Variants in SCN10A observed in about 807,000 individuals in gnomAD.
The protein encoded by SCN10A is sodium channel protein type 10 subunit alpha.
In SCN10A, 162 loss-of-function variants were observed where a neutral mutation model predicts 170.7. The ratio of observed to expected loss-of-function variants is 0.95; its 90% confidence interval spans 0.84 to 1.08. The LOEUF is 1.08. Ranked by LOEUF, SCN10A falls within the 50% of genes least tolerant of loss-of-function variation. The probability of loss-of-function intolerance (pLI) is 0.00; values close to 1 mark genes in which losing one functional copy is unlikely to be tolerated. For synonymous variants in SCN10A, 985 were observed against 904.6 expected (o/e 1.09, Z -1.59); for missense variants, 2,527 against 2,436.9 (o/e 1.04, Z -0.78).
At chr3:38,699,533 C>T (rs553533907) in intron 27 of SCN10A, among the ~76,000 whole-genome samples, 5 of 152,290 alleles carry the variant, frequency 3.3e-5, no homozygotes, top group African/African-American at 1.2e-4. Context: ...GCCCTCTCCC[C>T]TACTTGCTCT....
At chr3:38,758,024 A>T (rs1159326048) in intron 8 of SCN10A, among the ~76,000 whole-genome samples, 3 of 152,146 alleles carry the variant, frequency 2.0e-5, no homozygotes, top group Admixed American at 6.5e-5. Context: ...ATTTTTTTAA[A>T]TTTTTTTCTT....
intron 1 of SCN10A, among the ~76,000 whole-genome samples, chr3:38,805,361 A>G (rs1486407753): frequency 1.3e-5 from 2 of 152,154 alleles, no homozygotes; most frequent in African/African-American, 4.8e-5. Flanking sequence ...TCTCTAATAC[A>G]TGGAACAAAT....
At chr3:38,705,986 A>G (rs1410640736) in intron 26 of SCN10A, among the ~76,000 whole-genome samples, 1 of 152,120 alleles carries the variant, frequency 6.6e-6, no homozygotes, top group Non-Finnish European at 1.5e-5. Context: ...CAATGAGCCT[A>G]AGGACTTTTG....
chr3:38,715,335 C>A (rs1004190878), intron 21 of SCN10A, among the ~76,000 whole-genome samples: 1 of 152,166 alleles, frequency 6.6e-6, no homozygotes, highest in Non-Finnish European at 1.5e-5. Flanking sequence ...ACTAGCCTCC[C>A]AAGTAGTCTC....
At chr3:38,722,231 G>A (rs2063397472) in intron 20 of SCN10A, 27 bp downstream of exon 20, 10 of 1,603,298 alleles carry the variant, frequency 6.2e-6, no homozygotes, top group Non-Finnish European at 8.5e-6. Flanking sequence ...TGGAGGATTT[G>A]GGGGCAGGGA....
intron 4 of SCN10A, among the ~76,000 whole-genome samples, chr3:38,785,696 AC>A (rs764627821): frequency 2.0e-5 from 3 of 152,206 alleles, no homozygotes; most frequent in Non-Finnish European, 4.4e-5. Flanking sequence ...TGAATAGGTA[AC>A]CTACAGAATG....
At chr3:38,722,152 T>C in intron 20 of SCN10A, 106 bp downstream of exon 20, 1 of 1,143,990 alleles carries the variant, frequency 8.7e-7, no homozygotes, top group Non-Finnish European at 1.2e-6. Flanking sequence ...GTTGGGGACT[T>C]TCAGCTCAGT....
Position 38,793,785 on chromosome 3 carries a change from C to G in SCN10A, c.226G>C (p.Gly76Arg), listed in dbSNP as rs749652481. 1 of 1,613,818 alleles carries G rather than the reference C, an allele frequency of 6.2e-7. No individual in the cohort carries two copies. The highest frequency in any genetic ancestry group is 8.5e-7 in the Non-Finnish European group (1 of 1,179,894). The stretch of plus-strand genomic sequence containing the variant: ...GGATCTAGATCCTCCAGGGGCTCCC[C>G]GATCAGTTCTGCTGGGAGCTCACCA... ...FYGELPAELI[G>R]EPLEDLDPFY... The change falls in exon 2 of 28, where the codon GGG becomes CGG. Residue 76 changes from glycine to arginine, a missense_variant. Transcript: ENST00000449082.
intron 20 of SCN10A, among the ~76,000 whole-genome samples, chr3:38,720,964 C>G (rs926559627): frequency 2.0e-5 from 3 of 152,226 alleles, no homozygotes; most frequent in Non-Finnish European, 4.4e-5. Context: ...AATCACTGCC[C>G]TGTGCCAGGG....
chr3:38,728,466 C>T, intron 16 of SCN10A, 76 bp downstream of exon 16: 1 of 1,451,392 alleles, frequency 6.9e-7, no homozygotes, highest in East Asian at 2.3e-5. Flanking sequence ...AAATGCAGAT[C>T]AAAGCTTTTT....
At position 38,720,369 on chromosome 3, in the gene SCN10A, T is replaced by C. The variant is rs1289464338; in HGVS notation, c.3508-1543A>G. 3.3e-5 allele frequency among the ~76,000 whole-genome samples: 5 copies of C among 152,240 alleles called. 1 individual carries two copies. The highest frequency in any genetic ancestry group is 2.6e-4 in the Admixed American group (4 of 15,290). Reference sequence around the variant, plus strand: ...CATAAATGTGGTTTTATTTTTGTAATATGTGTATATTTTATGCATAAGCAA... The same window carrying C: ...CATAAATGTGGTTTTATTTTTGTAACATGTGTATATTTTATGCATAAGCAA... On this transcript the variant is annotated intron_variant, in intron 20 of 27. Transcript: ENST00000449082.
At chr3:38,710,665 G>A (rs1452440833) in intron 24 of SCN10A, among the ~76,000 whole-genome samples, 179 bp downstream of exon 24, 4 of 150,908 alleles carry the variant, frequency 2.7e-5, no homozygotes, top group South Asian at 2.1e-4. Flanking sequence ...GGAAAGCCTC[G>A]GTGGCTGAAA....
chr3:38,698,780 C>G (rs1159172402), intron 27 of SCN10A, among the ~76,000 whole-genome samples: 1 of 152,170 alleles, frequency 6.6e-6, no homozygotes, highest in Non-Finnish European at 1.5e-5. Flanking sequence ...CCGTCTTACC[C>G]TTCCTACCAT....
At chr3:38,751,042 A>G (rs1054008187) in intron 12 of SCN10A, among the ~76,000 whole-genome samples, 1 of 152,182 alleles carries the variant, frequency 6.6e-6, no homozygotes, top group Admixed American at 6.5e-5. Flanking sequence ...AAAATGTGTT[A>G]TCCTTACCCT....
At position 38,763,253 on chromosome 3, in the gene SCN10A, T is replaced by C. The variant is rs557116983; in HGVS notation, c.691+252A>G. Among the ~76,000 whole-genome samples, 6 of 152,224 alleles carry C rather than the reference T, an allele frequency of 3.9e-5. No individual in the cohort carries two copies. The East Asian group carries it at 1.2e-3, about 29-fold the overall frequency. ...GAAGACATGCCCCTCCTGTTACGTA[T>C]TGATTGTGAGGCCATGTGGTATGTG... On this transcript the variant is annotated intron_variant, in intron 6 of 27. Transcript: ENST00000449082.
At chr3:38,701,705 CT>C (rs772104715) in intron 27 of SCN10A, 133 bp downstream of exon 27, 1 of 802,612 alleles carries the variant, frequency 1.2e-6, no homozygotes, top group Non-Finnish European at 1.9e-6. Flanking sequence ...TCTTGGAAAG[CT>C]GCAAATACAG....
In SCN10A at chr3:38,793,940, A is replaced by G. The variant is rs1160387185; in HGVS notation, c.71T>C (p.Ile24Thr). 4.3e-6 allele frequency: 7 copies of G among 1,613,842 alleles called. No individual in the cohort carries two copies. The Admixed American group carries it at 5.0e-5, about 12-fold the overall frequency. Residue 24 changes from isoleucine to threonine, a missense_variant, in exon 2 of 28, where the codon ATA (isoleucine) becomes ACA (threonine). Physicochemically the swap from Ile to Thr is moderately conservative, Grantham distance 89. Coordinates refer to ENST00000449082, the MANE Select transcript of SCN10A (RefSeq NM_006514.4). Reference sequence around the variant, plus strand: ...CTGCTTGGCAGCAATTTGCTTCTCTATCTCCACCAGTGACTCCGGAGTAAA... The same window carrying G: ...CTGCTTGGCAGCAATTTGCTTCTCTGTCTCCACCAGTGACTCCGGAGTAAA... Reference protein sequence around the residue: ...RRFTPESLVEIEKQIAAKQGT... With the variant: ...RRFTPESLVETEKQIAAKQGT...
intron 13 of SCN10A, among the ~76,000 whole-genome samples, chr3:38,745,678 T>C (rs1299526581): frequency 6.6e-6 from 1 of 152,136 alleles, no homozygotes; most frequent in Non-Finnish European, 1.5e-5. Context: ...ACTCCATTAA[T>C]CCTCTTTTGC....
chr3:38,811,191 G>A (rs539014568), intron 1 of SCN10A, among the ~76,000 whole-genome samples: 132 of 152,236 alleles, frequency 8.7e-4, no homozygotes, highest in Middle Eastern at 3.4e-3. Context: ...GGTGGCTCAC[G>A]CCTGTAATCC....
Sources: allele counts gnomAD v4.1 joint callset (sites outside exome capture counted in the v4.1 genomes callset), GRCh38; gene constraint gnomAD v4.1.1; transcripts MANE v1.5; gene names NCBI Gene and HGNC (gene_info 2026-07-23, HGNC 2026-07-21).